TLK2: variants seen among roughly 807,000 people sequenced by gnomAD.
TLK2 encodes serine/threonine-protein kinase tousled-like 2.
In TLK2, 6 loss-of-function variants were observed where a neutral mutation model predicts 117.3. The ratio of observed to expected loss-of-function variants is 0.05; its 90% CI spans 0.03 to 0.10. TLK2 has a LOEUF of 0.10. Among genes scored for constraint, TLK2 ranks in the 10% least tolerant of loss-of-function variants. The pLI is 1.00. For synonymous variants in TLK2, 257 were observed against 316.7 expected (o/e 0.81, Z 2.00); for missense variants, 299 against 901.2 (o/e 0.33, Z 8.56).
intron 2 of TLK2, among the ~76,000 whole-genome samples, chr17:62,511,732 C>CAT (rs2075159293): frequency 6.6e-6 from 1 of 152,190 alleles, no homozygotes; most frequent in African/African-American, 2.4e-5. Flanking sequence ...CAAGATTTTG[C>CAT]ATATATAAAT....
upstream of TLK2, among the ~76,000 whole-genome samples, chr17:62,476,583 C>CAAAATAAAATAAAATAAAATAAAAT (rs59524481): frequency 6.8e-6 from 1 of 146,928 alleles, no homozygotes; most frequent in Non-Finnish European, 1.5e-5. Context: ...ACTCTGTCAC[C>CAAAATAAAATAAAATAAAATAAAAT]AAAATAAAAT....
chr17:62,474,827 C>CTTTTTT (rs748987436), upstream of TLK2, among the ~76,000 whole-genome samples: 4 of 140,424 alleles, frequency 2.8e-5, no homozygotes, highest in Admixed American at 2.2e-4. Flanking sequence ...CACCTGGCCT[C>CTTTTTT]TTTTTTTTTT....
chr17:62,579,963 T>G (rs535058185), intron 14 of TLK2, 148 bp from the exon 15 acceptor site: 14 of 592,706 alleles, frequency 2.4e-5, no homozygotes, highest in Non-Finnish European at 3.8e-5. Context: ...AACTTTATAC[T>G]CAGTATTTGC....
chr17:62,478,497 A>G (rs2071180484), upstream of TLK2, among the ~76,000 whole-genome samples: 1 of 148,502 alleles, frequency 6.7e-6, no homozygotes, highest in Non-Finnish European at 1.5e-5. Flanking sequence ...GGCCTCGGGC[A>G]GTCGCAGGGC....
chr17:62,556,859 T>G (rs542973226), intron 9 of TLK2, among the ~76,000 whole-genome samples: 1 of 152,380 alleles, frequency 6.6e-6, no homozygotes, highest in Non-Finnish European at 1.5e-5. Flanking sequence ...TTCTTCTGAA[T>G]CTCATTAAAC....
intron 17 of TLK2, 168 bp from the exon 18 acceptor site, chr17:62,600,483 C>T: frequency 3.5e-6 from 2 of 569,504 alleles, no homozygotes; most frequent in South Asian, 3.3e-5. Flanking sequence ...AGTTTCTTAC[C>T]AGAAACCCCT....
intron 5 of TLK2, among the ~76,000 whole-genome samples, chr17:62,523,853 A>G (rs2145589510): frequency 6.6e-6 from 1 of 152,344 alleles, no homozygotes; most frequent in Non-Finnish European, 1.5e-5. Context: ...AGTACAGTGG[A>G]ACATGTAGTG....
At chr17:62,566,696 C>A (rs907415943) in intron 11 of TLK2, among the ~76,000 whole-genome samples, 5 of 152,188 alleles carry the variant, frequency 3.3e-5, no homozygotes, top group Non-Finnish European at 7.3e-5. Context: ...CTGGCCAAGA[C>A]ATGCAAGTTG....
intron 15 of TLK2, among the ~76,000 whole-genome samples, chr17:62,584,630 C>T (rs1325473817): frequency 6.6e-6 from 1 of 152,006 alleles, no homozygotes; most frequent in African/African-American, 2.4e-5. Flanking sequence ...GCCTGGCAAA[C>T]ACATTGAAGC....
rs910394464 is a variant in TLK2 at position 62,512,835 on chromosome 17, GT to G, written c.82-7931del. Among the ~76,000 whole-genome samples, 12 of 145,596 alleles carry G rather than the reference GT, an allele frequency of 8.2e-5. No homozygotes were observed. The South Asian group carries it at 1.1e-3, about 13-fold the overall frequency. On this transcript the variant is annotated intron_variant, in intron 2 of 21. Transcript: ENST00000346027. ...TACATTTAAGTTCTTGATCTATTTTGTTTTTTTCTCTTTTAAAAATTTATTA... is the reference window on the plus strand; with the variant it reads ...TACATTTAAGTTCTTGATCTATTTTGTTTTTTCTCTTTTAAAAATTTATTA...
intron 11 of TLK2, among the ~76,000 whole-genome samples, chr17:62,570,393 A>G (rs1343000427): frequency 6.6e-6 from 1 of 152,184 alleles, no homozygotes; most frequent in Non-Finnish European, 1.5e-5. Flanking sequence ...GCTCTCTAAA[A>G]TTGATGCTAT....
At chr17:62,588,955 G>T (rs542841886) in intron 16 of TLK2, among the ~76,000 whole-genome samples, 1 of 152,306 alleles carries the variant, frequency 6.6e-6, no homozygotes, top group South Asian at 2.1e-4. Flanking sequence ...AACCCTGCTA[G>T]TAAGGTCTGT....
At chr17:62,530,148 C>A (rs943402295) in intron 6 of TLK2, among the ~76,000 whole-genome samples, 1 of 152,020 alleles carries the variant, frequency 6.6e-6, no homozygotes, top group African/African-American at 2.4e-5. Flanking sequence ...GTGGCAGGTG[C>A]CTGTAATCCC....
At position 62,578,368 on chromosome 17, in the gene TLK2, C is replaced by T. The variant is rs564395513; in HGVS notation, c.1189-109C>T. 2.5e-4 allele frequency: 198 copies of T among 799,764 alleles called. 1 individual carries two copies. The South Asian group carries it at 2.8e-3, about 11-fold the overall frequency. 49.5% of individuals were successfully genotyped at this position (799,764 alleles called of 1,614,324 possible). On this transcript the variant is annotated intron_variant, in intron 13 of 21. Transcript: ENST00000346027. Reference sequence around the variant, plus strand: ...TAAAGAAATCTTTCAATGCAAAGCACCTTCCTTTAGCCTTTCATAAGATAA... The same window carrying T: ...TAAAGAAATCTTTCAATGCAAAGCATCTTCCTTTAGCCTTTCATAAGATAA...
intron 2 of TLK2, among the ~76,000 whole-genome samples, chr17:62,492,084 A>G (rs940363336): frequency 1.3e-5 from 2 of 152,230 alleles, no homozygotes; most frequent in African/African-American, 4.8e-5. Context: ...AGAGGAAGCC[A>G]GATTTGAGAT....
At chr17:62,485,052 A>C (rs558544396) in intron 2 of TLK2, among the ~76,000 whole-genome samples, 1 of 152,174 alleles carries the variant, frequency 6.6e-6, no homozygotes, top group South Asian at 2.1e-4. Context: ...CAAAACAAAA[A>C]AAGAATATCA....
intron 2 of TLK2, among the ~76,000 whole-genome samples, chr17:62,486,057 T>C (rs1343413671): frequency 6.6e-6 from 1 of 152,058 alleles, no homozygotes; most frequent in Non-Finnish European, 1.5e-5. Context: ...CCTGACCTCG[T>C]GATCTGCCCA....
intron 11 of TLK2, among the ~76,000 whole-genome samples, chr17:62,567,700 T>C (rs1049501719): frequency 6.6e-6 from 1 of 152,216 alleles, no homozygotes; most frequent in Non-Finnish European, 1.5e-5. Flanking sequence ...GTGAAGTAGC[T>C]GAACACTAAC....
chr17:62,534,372 G>A (rs890351690), intron 6 of TLK2, among the ~76,000 whole-genome samples: 51 of 152,134 alleles, frequency 3.4e-4, no homozygotes, highest in Non-Finnish European at 5.6e-4. Context: ...TGATATTACC[G>A]TTTAACTTAG....
Sources: allele counts gnomAD v4.1 joint callset (sites outside exome capture counted in the v4.1 genomes callset), GRCh38; gene constraint gnomAD v4.1.1; transcripts MANE v1.5; gene names NCBI Gene and HGNC (gene_info 2026-07-23, HGNC 2026-07-21).